Variants in PPP1R16B observed in about 807,000 individuals in gnomAD.
PPP1R16B encodes protein phosphatase 1 regulatory inhibitor subunit 16B.
PPP1R16B carries 14 observed loss-of-function variants against 61.7 expected under a neutral mutation model. The ratio of observed to expected loss-of-function variants is 0.23; its 90% confidence interval spans 0.15 to 0.35. The LOEUF (loss-of-function observed/expected upper bound fraction) is 0.35. Ranked by LOEUF, PPP1R16B falls within the 10% of genes least tolerant of loss-of-function variation. The pLI, the probability that PPP1R16B is intolerant of heterozygous loss-of-function variation, is 1.00. For missense variants in PPP1R16B, 547 were observed against 752.5 expected, an observed-to-expected ratio of 0.73 and a Z score of 3.19; for synonymous variants, 266 against 305.3, an observed-to-expected ratio of 0.87 and a Z score of 1.34.
rs145344537 is a variant in PPP1R16B, at chr20:38,911,694, G to A, written c.1194+3501G>A. On this transcript the variant is annotated intron_variant, in intron 10 of 10. Coordinates refer to ENST00000299824, the MANE Select transcript of PPP1R16B (RefSeq NM_015568.4). ...TGGGATTACAGGTGCGTGCCACCAC[G>A]CCCGGCTAATTTTTCTATTTTTAGT... Among the ~76,000 whole-genome samples, 527 of 151,980 alleles carry A rather than the reference G, an allele frequency of 3.5e-3. 3 individuals are homozygous for A. Among genetic ancestry groups the A allele is most frequent in the African/African-American group, 0.012 (502 of 41,434 alleles).
At chr20:38,903,725 C>A (rs1039379830) in intron 6 of PPP1R16B, among the ~76,000 whole-genome samples, 1 of 152,216 alleles carries the variant, frequency 6.6e-6, no homozygotes, top group Non-Finnish European at 1.5e-5. Context: ...ACCTTCTTCT[C>A]TCTCAAATCC....
intron 4 of PPP1R16B, among the ~76,000 whole-genome samples, chr20:38,899,839 C>A (rs906714023): frequency 5.9e-5 from 9 of 151,890 alleles, no homozygotes; most frequent in South Asian, 2.1e-4. Flanking sequence ...CTCTATCACC[C>A]AGGCTGGAGT....
Position 38,918,301 on chromosome 20 carries a change from G to A in PPP1R16B, c.1339G>A (p.Val447Met), listed in dbSNP as rs773747231. The change falls in exon 11 of 11, where the codon GTG (valine) becomes ATG (methionine). Residue 447 changes from valine (V) to methionine (M), a missense_variant. Transcript: ENST00000299824. The surrounding 1 kb of genome is among the most constrained non-coding windows in gnomAD (Gnocchi z 5.3). Reference protein sequence around the residue: ...YALANGDVWKVHEVPDYSMAY... With the variant: ...YALANGDVWKMHEVPDYSMAY... ...GCTGGCCAACGGGGATGTCTGGAAG[G>A]TGCATGAGGTGCCTGACTACAGCAT... The A allele has an allele frequency of 4.3e-6, 7 of 1,614,218 alleles. No individual in the cohort carries two copies. The South Asian group carries it at 5.5e-5, about 13-fold the overall frequency.
chr20:38,882,311 T>G (rs1416928088), intron 2 of PPP1R16B, among the ~76,000 whole-genome samples: 1 of 152,112 alleles, frequency 6.6e-6, no homozygotes, highest in Non-Finnish European at 1.5e-5. Flanking sequence ...TCAGGTGGTG[T>G]TGATGAGGGA....
At chr20:38,910,992 T>TCAAAACAAAA (rs553973851) in intron 10 of PPP1R16B, among the ~76,000 whole-genome samples, 12 of 151,262 alleles carry the variant, frequency 7.9e-5, no homozygotes, top group African/African-American at 2.9e-4. Context: ...AGACTCCGTC[T>TCAAAACAAAA]CAAAACAAAA....
chr20:38,918,148 C>A lies in PPP1R16B; in HGVS notation c.1195-9C>A. 6.2e-7 allele frequency: 1 copy of A among 1,612,278 alleles called. No individual in the cohort carries two copies. The highest frequency in any genetic ancestry group is 1.1e-5 in the South Asian group (1 of 91,026). On this transcript the variant is annotated splice_polypyrimidine_tract_variant and intron_variant, in intron 10 of 10. Transcript: ENST00000299824. The surrounding 1 kb of genome is among the most constrained non-coding windows in gnomAD (Gnocchi z 5.3). ...AGCCAGCTGGTAATGTTGTCCTTCT[C>A]ACTCGCAGAACCCCAGGCTGGAGAA...
At chr20:38,839,706 A>T (rs1169203577) in intron 2 of PPP1R16B, among the ~76,000 whole-genome samples, 1 of 151,864 alleles carries the variant, frequency 6.6e-6, no homozygotes, top group African/African-American at 2.4e-5. Context: ...TTTCCCATCC[A>T]ACGGTATATC....
chr20:38,883,101 G>C (rs2085214596), intron 2 of PPP1R16B, among the ~76,000 whole-genome samples: 1 of 152,122 alleles, frequency 6.6e-6, no homozygotes. Flanking sequence ...AGATAGGAGG[G>C]CAGGCCTTGT....
chr20:38,896,817 T>C (rs2085353185), intron 4 of PPP1R16B, among the ~76,000 whole-genome samples: 1 of 152,180 alleles, frequency 6.6e-6, no homozygotes, highest in Non-Finnish European at 1.5e-5. Flanking sequence ...ACTTTCTGTC[T>C]CTATGAATTT....
At chr20:38,872,025 C>G (rs958275445) in intron 2 of PPP1R16B, among the ~76,000 whole-genome samples, 1 of 152,188 alleles carries the variant, frequency 6.6e-6, no homozygotes, top group Non-Finnish European at 1.5e-5. Flanking sequence ...AAGGTCACCC[C>G]TAGCACGTCT....
rs1244557421 is a variant in PPP1R16B, at chr20:38,920,203, G to A, written c.*1537G>A. 1 of 152,800 alleles carries A rather than the reference G, an allele frequency of 6.5e-6. No individual in the cohort carries two copies. Among genetic ancestry groups the A allele is most frequent in the Non-Finnish European group, 1.5e-5 (1 of 68,194 alleles). 9.5% of individuals were successfully genotyped at this position (152,800 alleles called of 1,614,324 possible). A position where few individuals can be genotyped will look rare whatever the true frequency, so the allele number is the denominator to read the frequency against. ...TGCTGAGTCTCCCAGGACCCCCTTT[G>A]GAGATGCCCATGGCATGGGCACTGC... On this transcript the variant is annotated 3_prime_UTR_variant, in exon 11 of 11. Coordinates refer to ENST00000299824, the MANE Select transcript of PPP1R16B (RefSeq NM_015568.4).
At chr20:38,807,971 C>G (rs2084673410) in intron 1 of PPP1R16B, among the ~76,000 whole-genome samples, 1 of 152,148 alleles carries the variant, frequency 6.6e-6, no homozygotes, top group South Asian at 2.1e-4. Context: ...ACTTTGCTCT[C>G]CCTGGTAATT....
At chr20:38,828,481 T>G (rs79254669) in intron 1 of PPP1R16B, among the ~76,000 whole-genome samples, 1,986 of 152,330 alleles carry the variant, frequency 0.013, 44 homozygotes, top group African/African-American at 0.045. Context: ...CCAATTCAAC[T>G]GGCTCAAATA....
chr20:38,876,643 A>C (rs2085169669), intron 2 of PPP1R16B, among the ~76,000 whole-genome samples: 1 of 152,154 alleles, frequency 6.6e-6, no homozygotes. Flanking sequence ...TCCAAACAAA[A>C]TGGTTTGTAT....
chr20:38,893,597 C>T (rs1011068724), intron 3 of PPP1R16B, among the ~76,000 whole-genome samples: 17 of 150,686 alleles, frequency 1.1e-4, no homozygotes, highest in Admixed American at 9.2e-4. Flanking sequence ...CGGGAGGAGG[C>T]GGGAGGAGGC....
At chr20:38,850,879 A>G (rs945585885) in intron 2 of PPP1R16B, among the ~76,000 whole-genome samples, 1 of 151,914 alleles carries the variant, frequency 6.6e-6, no homozygotes, top group African/African-American at 2.4e-5. Flanking sequence ...GAGGCAAAAG[A>G]ATTGCTTGAA....
At chr20:38,867,597 T>C (rs2085098764) in intron 2 of PPP1R16B, among the ~76,000 whole-genome samples, 3 of 152,314 alleles carry the variant, frequency 2.0e-5, no homozygotes, top group Middle Eastern at 6.8e-3. Flanking sequence ...AGAGGAATAT[T>C]TCCAAAATAT....
At chr20:38,858,962 C>T (rs1481704724) in intron 2 of PPP1R16B, among the ~76,000 whole-genome samples, 2 of 152,216 alleles carry the variant, frequency 1.3e-5, no homozygotes, top group Non-Finnish European at 2.9e-5. Flanking sequence ...TGTAGCCTCT[C>T]TACGATGGTG....
At chr20:38,869,422 G>A (rs1204798917) in intron 2 of PPP1R16B, among the ~76,000 whole-genome samples, 2 of 152,056 alleles carry the variant, frequency 1.3e-5, no homozygotes, top group East Asian at 1.9e-4. Context: ...GCCTCCCAAA[G>A]TGTTGGGATT....
Sources: allele counts gnomAD v4.1 joint callset (sites outside exome capture counted in the v4.1 genomes callset), GRCh38; gene constraint gnomAD v4.1.1; non-coding constraint Gnocchi (gnomAD v3.1); transcripts MANE v1.5; gene names NCBI Gene and HGNC (gene_info 2026-07-23, HGNC 2026-07-21).